WWOX: variants seen among roughly 807,000 people sequenced by gnomAD.
WWOX encodes WW domain containing oxidoreductase.
WWOX carries 69 observed loss-of-function variants against 46.2 expected under a neutral mutation model. That is an observed-to-expected ratio of 1.49 (90% CI 1.23 to 1.82). The LOEUF is 1.82. Among genes scored for constraint, WWOX ranks in the 40% most tolerant of loss-of-function variants. The pLI is 0.00. For synonymous variants in WWOX, 359 were observed against 202.6 expected (o/e 1.77, Z -6.56); for missense variants, 919 against 542.6 (o/e 1.69, Z -6.89).
chr16:78,593,520 C>G (rs2045400272), intron 8 of WWOX, among the ~76,000 whole-genome samples: 1 of 152,232 alleles, frequency 6.6e-6, no homozygotes. Context: ...TCAGACCAGT[C>G]ACAGTTCCTG....
At chr16:78,187,205 C>T (rs1432006518) in intron 5 of WWOX, among the ~76,000 whole-genome samples, 1 of 152,156 alleles carries the variant, frequency 6.6e-6, no homozygotes, top group Non-Finnish European at 1.5e-5. Flanking sequence ...GCTCTTGGTT[C>T]CTTGTCTGTC....
chr16:78,981,996 C>T (rs1344658386), intron 8 of WWOX, among the ~76,000 whole-genome samples: 4 of 152,232 alleles, frequency 2.6e-5, no homozygotes, highest in Non-Finnish European at 4.4e-5. Context: ...TTTTGACTGG[C>T]AGAATCTCAG....
At chr16:79,020,958 C>CT (rs938158290) in intron 8 of WWOX, among the ~76,000 whole-genome samples, 2 of 152,050 alleles carry the variant, frequency 1.3e-5, no homozygotes, top group African/African-American at 2.4e-5. Context: ...GGATTCTTGA[C>CT]ATCAAATTGT....
At chr16:79,096,367 C>T (rs1336938418) in intron 8 of WWOX, among the ~76,000 whole-genome samples, 1 of 152,104 alleles carries the variant, frequency 6.6e-6, no homozygotes, top group Admixed American at 6.5e-5. Flanking sequence ...GCGTCCTCTC[C>T]CTTCCCCCAT....
intron 8 of WWOX, among the ~76,000 whole-genome samples, chr16:78,761,420 G>A (rs921489354): frequency 2.6e-5 from 4 of 152,096 alleles, no homozygotes; most frequent in African/African-American, 7.2e-5. Flanking sequence ...CCTGTTTAGT[G>A]CCCTCTCGGT....
chr16:78,853,139 A>G (rs1305802120), intron 8 of WWOX, among the ~76,000 whole-genome samples: 1 of 152,240 alleles, frequency 6.6e-6, no homozygotes, highest in Non-Finnish European at 1.5e-5. Context: ...GTTGTACTAT[A>G]CGTTATAACA....
intron 8 of WWOX, among the ~76,000 whole-genome samples, chr16:78,845,469 G>C (rs192557909): frequency 6.6e-6 from 1 of 152,238 alleles, no homozygotes; most frequent in Admixed American, 6.5e-5. Flanking sequence ...TGGCCACAAA[G>C]TATGCTCATG....
intron 5 of WWOX, among the ~76,000 whole-genome samples, chr16:78,207,761 CAAAAA>C (rs34715697): frequency 9.6e-6 from 1 of 104,644 alleles, no homozygotes; most frequent in Non-Finnish European, 2.0e-5. Flanking sequence ...GACCCTATTA[CAAAAA>C]AAAAAAAAAA....
chr16:79,205,196 T>G (rs1371236831), intron 8 of WWOX: 1 of 152,230 alleles, frequency 6.6e-6, no homozygotes, highest in Non-Finnish European at 1.5e-5. Flanking sequence ...GTGTCCCTTG[T>G]AATTTGTGGT....
At chr16:78,844,138 G>T (rs1024347127) in intron 8 of WWOX, among the ~76,000 whole-genome samples, 3 of 152,080 alleles carry the variant, frequency 2.0e-5, no homozygotes, top group African/African-American at 7.2e-5. Context: ...GAAATCTATC[G>T]TATTTGTTTA....
chr16:78,443,321 A>C (rs377094839), intron 8 of WWOX, among the ~76,000 whole-genome samples: 48 of 151,906 alleles, frequency 3.2e-4, no homozygotes, highest in South Asian at 8.3e-4. Context: ...ACAAAAAAAA[A>C]CCCAAAACTA....
intron 8 of WWOX, among the ~76,000 whole-genome samples, chr16:78,796,847 C>T (rs1183023630): frequency 3.1e-4 from 42 of 137,422 alleles, no homozygotes; most frequent in African/African-American, 1.1e-3. Flanking sequence ...TTTTTTTTAG[C>T]CATAGTCTCA....
At chr16:78,960,602 G>C (rs1369954876) in intron 8 of WWOX, among the ~76,000 whole-genome samples, 1 of 152,162 alleles carries the variant, frequency 6.6e-6, no homozygotes, top group Admixed American at 6.5e-5. Flanking sequence ...CAGATCCATT[G>C]GTCAGAAATA....
intron 8 of WWOX, among the ~76,000 whole-genome samples, chr16:78,789,446 A>G (rs888937958): frequency 1.3e-5 from 2 of 152,190 alleles, no homozygotes; most frequent in African/African-American, 2.4e-5. Context: ...CTTATCAGAG[A>G]TCAATTGGCC....
At chr16:78,626,682 C>T (rs927726503) in intron 8 of WWOX, among the ~76,000 whole-genome samples, 19 of 152,092 alleles carry the variant, frequency 1.2e-4, no homozygotes, top group African/African-American at 4.3e-4. Context: ...TTGCTGTGCC[C>T]AGCTCATGCT....
intron 8 of WWOX, among the ~76,000 whole-genome samples, chr16:78,784,032 G>T (rs28729906): frequency 1.3e-4 from 20 of 152,186 alleles, no homozygotes; most frequent in Non-Finnish European, 2.6e-4. Flanking sequence ...TGATGATAAT[G>T]ATGATGATAG....
intron 8 of WWOX, among the ~76,000 whole-genome samples, chr16:79,126,504 C>T (rs955564515): frequency 2.6e-5 from 4 of 152,132 alleles, no homozygotes; most frequent in Admixed American, 1.3e-4. Flanking sequence ...TGTGTTCATT[C>T]TCCCTCCTGC....
chr16:79,121,791 C>G (rs904934604), intron 8 of WWOX, among the ~76,000 whole-genome samples: 2 of 152,156 alleles, frequency 1.3e-5, no homozygotes, highest in African/African-American at 2.4e-5. Flanking sequence ...GTCCATTACT[C>G]TTTAAAAGTG....
chr16:78,322,137 T>G (rs1462959361), intron 5 of WWOX, among the ~76,000 whole-genome samples: 1 of 152,074 alleles, frequency 6.6e-6, no homozygotes, highest in Non-Finnish European at 1.5e-5. Flanking sequence ...TACTTCTCAC[T>G]TGCCCTGCCA....
Sources: gnomAD v4.1 joint callset for allele counts (sites outside exome capture counted in the v4.1 genomes callset) on GRCh38, gnomAD v4.1.1 for gene constraint, MANE v1.5 for transcripts, NCBI Gene and HGNC (gene_info 2026-07-23, HGNC 2026-07-21) for gene names.